The following SLC16A1 variants were observed in gnomAD, a reference collection of about 807,000 sequenced individuals.
SLC16A1 encodes monocarboxylate transporter 1.
A neutral mutation model predicts 32.2 loss-of-function variants in SLC16A1; 11 were observed. That is an observed-to-expected ratio of 0.34 (90% CI 0.21 to 0.56). The LOEUF is 0.56. Ranked by LOEUF, SLC16A1 falls within the 20% of genes least tolerant of loss-of-function variation. The pLI is 0.87. For missense variants in SLC16A1, 435 were observed against 615.0 expected (o/e 0.71, Z 3.10); for synonymous variants, 231 against 226.8 (o/e 1.02, Z -0.17).
At chr1:112,943,343 G>C (rs1440227891) in intron 1 of SLC16A1, among the ~76,000 whole-genome samples, 1 of 151,320 alleles carries the variant, frequency 6.6e-6, no homozygotes, top group South Asian at 2.1e-4. Context: ...GGAAGGCGGA[G>C]GCTGCAGTGA....
At chr1:112,928,781 TCAA>T (rs1649024357) in intron 2 of SLC16A1, among the ~76,000 whole-genome samples, 1 of 152,032 alleles carries the variant, frequency 6.6e-6, no homozygotes, top group East Asian at 1.9e-4. Flanking sequence ...CCAGCAGAGA[TCAA>T]CAAAAAAAAT....
Position 112,956,112 on chromosome 1 carries a change from C to A in SLC16A1, c.-122G>T, listed in dbSNP as rs1308975830. On this transcript the variant is annotated 5_prime_UTR_variant, in exon 1 of 5. Coordinates refer to ENST00000369626, the MANE Select transcript of SLC16A1 (RefSeq NM_003051.4). Reference sequence around the variant, plus strand: ...GCTGGAGTTCCACGGGGCCCAGGGTCCGGCTCCCGTCCTTCGCTCGCTGCC... The same window carrying A: ...GCTGGAGTTCCACGGGGCCCAGGGTACGGCTCCCGTCCTTCGCTCGCTGCC... The A allele has an allele frequency of 6.6e-6, 1 of 152,516 alleles. No homozygotes were observed. The highest frequency in any genetic ancestry group is 2.4e-5 in the African/African-American group (1 of 41,566). The allele number at this position is 152,516 out of a possible 1,614,324, so 9.4% of individuals were successfully genotyped here.
chr1:112,923,388 C>A (rs1648808891), intron 2 of SLC16A1: 1 of 609,236 alleles, frequency 1.6e-6, no homozygotes, highest in Non-Finnish European at 3.0e-6. Context: ...CTGCACGTTG[C>A]TCCCGGGCTG....
chr1:112,939,842 T>C (rs1649443959), intron 1 of SLC16A1, among the ~76,000 whole-genome samples: 1 of 151,968 alleles, frequency 6.6e-6, no homozygotes, highest in African/African-American at 2.4e-5. Flanking sequence ...TATTATTTCT[T>C]TCATCATTCT....
intron 4 of SLC16A1, among the ~76,000 whole-genome samples, chr1:112,916,179 T>C (rs1191303845): frequency 6.6e-6 from 1 of 151,972 alleles, no homozygotes; most frequent in African/African-American, 2.4e-5. Context: ...AACTTTTTTT[T>C]TTTTTTTTTG....
At chr1:112,926,939 G>A (rs1648962110) in intron 2 of SLC16A1, among the ~76,000 whole-genome samples, 1 of 150,040 alleles carries the variant, frequency 6.7e-6, no homozygotes, top group Middle Eastern at 3.2e-3. Flanking sequence ...GGATCAGCTT[G>A]GGCCATAGAG....
At chr1:112,921,619 T>TG (rs1022799773) in intron 3 of SLC16A1, among the ~76,000 whole-genome samples, 1 of 152,170 alleles carries the variant, frequency 6.6e-6, no homozygotes, top group Admixed American at 6.5e-5. Flanking sequence ...ATTTTTAAAA[T>TG]GGGGGGAGGA....
At chr1:112,934,826 C>A (rs1438066467) in intron 1 of SLC16A1, among the ~76,000 whole-genome samples, 1 of 152,152 alleles carries the variant, frequency 6.6e-6, no homozygotes, top group African/African-American at 2.4e-5. Context: ...TCCAGAGATA[C>A]ACTATATTTG....
chr1:112,935,583 T>C (rs1649274810), intron 1 of SLC16A1, among the ~76,000 whole-genome samples: 1 of 152,132 alleles, frequency 6.6e-6, no homozygotes, highest in Admixed American at 6.5e-5. Flanking sequence ...CTGACATTTA[T>C]CTAATGGGAC....
intron 2 of SLC16A1, chr1:112,923,807 C>T (rs2101628204): frequency 6.7e-7 from 1 of 1,494,562 alleles, no homozygotes; most frequent in East Asian, 2.3e-5. Flanking sequence ...TGGCCAAGAT[C>T]TGTAACCTCT....
chr1:112,917,677 T>G lies in SLC16A1; in HGVS notation c.729A>C (p.Arg243=), dbSNP rs1648563380. The G allele has an allele frequency of 1.2e-6, 2 of 1,614,150 alleles. No homozygotes were observed. The highest frequency in any genetic ancestry group is 2.2e-5 in the South Asian group (2 of 91,092). The change falls in exon 4 of 5, where the codon CGA becomes CGC. Residue 243 remains arginine (R), a synonymous_variant. Coordinates refer to ENST00000369626, the MANE Select transcript of SLC16A1 (RefSeq NM_003051.4). The surrounding 1 kb of genome is among the most constrained non-coding windows in gnomAD (Gnocchi z 4.1). ...LIGRHPKQEK[R]SVFQTINQFL... ...ACTGATTAATTGTTTGGAAGACTGA[T>G]CGTTTCTCTTGTTTAGGGTGTCTTC... is the stretch of plus-strand genomic sequence containing the variant.
At position 112,917,298 on chromosome 1, in the gene SLC16A1, G is replaced by A; in HGVS notation, c.1108C>T (p.Leu370Phe). 1 of 1,614,206 alleles carries A rather than the reference G, an allele frequency of 6.2e-7. No individual in the cohort carries two copies. The highest frequency in any genetic ancestry group is 8.5e-7 in the Non-Finnish European group (1 of 1,180,038). The change falls in exon 4 of 5, where the codon CTC becomes TTC. Residue 370 changes from leucine (L) to phenylalanine (F), a missense_variant. Coordinates refer to ENST00000369626, the MANE Select transcript of SLC16A1 (RefSeq NM_003051.4). This position sits in a 1 kb window ranked among gnomAD's most constrained non-coding sequence, Gnocchi z 4.1. ...AATGTTTCAAACAATACGGAGCTGAGCCACCCGAAGGCAAATCCAAAGAAT... is the reference window on the plus strand; with the variant it reads ...AATGTTTCAAACAATACGGAGCTGAACCACCCGAAGGCAAATCCAAAGAAT... Reference protein sequence around the residue: ...AGFFGFAFGWLSSVLFETLMD... With the variant: ...AGFFGFAFGWFSSVLFETLMD...
intron 2 of SLC16A1, chr1:112,924,218 C>T (rs1648851944): frequency 1.3e-6 from 2 of 1,516,960 alleles, no homozygotes; most frequent in African/African-American, 1.4e-5. Flanking sequence ...TGGGCATGTC[C>T]AGCTTGGAGC....
chr1:112,929,643 T>C (rs1000131883), intron 1 of SLC16A1, among the ~76,000 whole-genome samples: 3 of 152,036 alleles, frequency 2.0e-5, no homozygotes, highest in Non-Finnish European at 2.9e-5. Flanking sequence ...CTCAGGAGTT[T>C]GAGACCACCC....
intron 1 of SLC16A1, among the ~76,000 whole-genome samples, chr1:112,935,151 G>A (rs145987730): frequency 0.012 from 1,884 of 151,968 alleles, 40 homozygotes; most frequent in African/African-American, 0.044. Flanking sequence ...ATGGTGGCTT[G>A]TGCCTGTAAT....
At chr1:112,919,949 A>C (rs1648660425) in intron 3 of SLC16A1, among the ~76,000 whole-genome samples, 1 of 152,150 alleles carries the variant, frequency 6.6e-6, no homozygotes, top group Non-Finnish European at 1.5e-5. Flanking sequence ...TAATTTATTT[A>C]TGAGTTGTAC....
chr1:112,917,430 TTATTGGCTTTG>T lies in SLC16A1; in HGVS notation c.965_975del (p.Thr322LysfsTer51). On this transcript the variant is annotated frameshift_variant, in exon 4 of 5. Transcript: ENST00000369626. LOFTEE classifies it high-confidence loss of function. This position sits in a 1 kb window ranked among gnomAD's most constrained non-coding sequence, Gnocchi z 4.1. The stretch of plus-strand genomic sequence containing the variant: ...GCAAAGAAATACTGAATTCGAGGTC[TTATTGGCTTTG>T]TGTTGGCTACAAGTCCCATAGATGG... 3 of 1,614,234 alleles carry T rather than the reference TTATTGGCTTTG, an allele frequency of 1.9e-6. No homozygotes were observed. The highest frequency in any genetic ancestry group is 2.5e-6 in the Non-Finnish European group (3 of 1,180,044).
intron 1 of SLC16A1, among the ~76,000 whole-genome samples, chr1:112,953,195 C>CCTGAG (rs1205797886): frequency 6.7e-6 from 1 of 148,516 alleles, no homozygotes; most frequent in Non-Finnish European, 1.5e-5. Flanking sequence ...TGCTCTGTCG[C>CCTGAG]CTGAGCTGAG....
At chr1:112,932,122 C>G (rs1649152173) in intron 1 of SLC16A1, among the ~76,000 whole-genome samples, 2 of 152,178 alleles carry the variant, frequency 1.3e-5, no homozygotes, top group African/African-American at 4.8e-5. Flanking sequence ...TAGCTCCATA[C>G]AAGAAGTTTC....
Sources: allele counts gnomAD v4.1 joint callset (sites outside exome capture counted in the v4.1 genomes callset), GRCh38; gene constraint gnomAD v4.1.1; non-coding constraint Gnocchi (gnomAD v3.1); transcripts MANE v1.5; gene names NCBI Gene and HGNC (gene_info 2026-07-23, HGNC 2026-07-21).